The following DAB1 variants were observed in gnomAD, a reference collection of about 807,000 sequenced individuals.
DAB1 encodes DAB adaptor protein 1.
Under a neutral mutation model 64.6 loss-of-function variants are expected in DAB1, and 15 were observed. The observed-to-expected ratio is 0.23, with a 90% CI of 0.16 to 0.36. The LOEUF is 0.36. Ranked by LOEUF, DAB1 falls within the 10% of genes least tolerant of loss-of-function variation. The probability of loss-of-function intolerance (pLI) is 1.00; values close to 1 mark genes in which losing one functional copy is unlikely to be tolerated. For synonymous variants in DAB1, 235 were observed against 251.9 expected, an observed-to-expected ratio of 0.93 and a Z score of 0.64; for missense variants, 596 against 706.7, an observed-to-expected ratio of 0.84 and a Z score of 1.78.
intron 1 of DAB1, among the ~76,000 whole-genome samples, chr1:57,858,773 G>A (rs1653872196): frequency 6.7e-6 from 1 of 149,720 alleles, no homozygotes; most frequent in Admixed American, 6.7e-5. Flanking sequence ...GTGAGACAAT[G>A]GCCAAAAGGC....
chr1:57,309,925 G>A (rs922623239), intron 1 of DAB1, among the ~76,000 whole-genome samples: 12 of 152,232 alleles, frequency 7.9e-5, no homozygotes, highest in African/African-American at 2.6e-4. Flanking sequence ...TCACATGGGG[G>A]GATGCAGTTT....
At chr1:57,223,209 A>G (rs554865031) in intron 2 of DAB1, among the ~76,000 whole-genome samples, 17 of 152,374 alleles carry the variant, frequency 1.1e-4, no homozygotes, top group African/African-American at 4.1e-4. Flanking sequence ...GTCATTTGTT[A>G]GAAAACCAGG....
chr1:57,876,154 T>A (rs182837050), intron 1 of DAB1: 1 of 152,304 alleles, frequency 6.6e-6, no homozygotes, highest in East Asian at 1.9e-4. Context: ...TCAAGACCTT[T>A]AGGCTGAATG....
intron 1 of DAB1, among the ~76,000 whole-genome samples, chr1:57,369,414 A>G (rs1430515013): frequency 6.6e-6 from 1 of 152,208 alleles, no homozygotes; most frequent in African/African-American, 2.4e-5. Context: ...CTATAGGCCC[A>G]AGTGTTTTAT....
At chr1:57,413,467 C>T (rs888318473) in intron 1 of DAB1, among the ~76,000 whole-genome samples, 3 of 152,016 alleles carry the variant, frequency 2.0e-5, no homozygotes, top group African/African-American at 4.8e-5. Context: ...CGTGGCCCAG[C>T]GCGGTGGCTC....
chr1:57,127,248 A>T (rs1403037165), intron 4 of DAB1, among the ~76,000 whole-genome samples: 1 of 152,210 alleles, frequency 6.6e-6, no homozygotes, highest in Admixed American at 6.5e-5. Flanking sequence ...AAAAGCAGAG[A>T]CACCCAAGTG....
chr1:57,567,508 C>T (rs1422505811), intron 7 of DAB1, among the ~76,000 whole-genome samples: 1 of 152,134 alleles, frequency 6.6e-6, no homozygotes, highest in East Asian at 1.9e-4. Context: ...CAGATGACAT[C>T]ATTGTATATT....
intron 4 of DAB1, among the ~76,000 whole-genome samples, chr1:58,162,376 A>G (rs1655587294): frequency 6.6e-6 from 1 of 151,712 alleles, no homozygotes; most frequent in African/African-American, 2.4e-5. Context: ...TCTGTTACTC[A>G]TTTCCTCCCC....
At chr1:57,755,199 C>T (rs1648748845) in intron 6 of DAB1, among the ~76,000 whole-genome samples, 1 of 151,912 alleles carries the variant, frequency 6.6e-6, no homozygotes, top group Non-Finnish European at 1.5e-5. Context: ...ATTTTAGGCC[C>T]AGTTTGTCAA....
intron 6 of DAB1, among the ~76,000 whole-genome samples, chr1:57,729,230 T>G (rs931617927): frequency 1.3e-5 from 2 of 152,214 alleles, no homozygotes; most frequent in African/African-American, 4.8e-5. Flanking sequence ...AAATGTTATT[T>G]GGATGCAGAA....
intron 7 of DAB1, among the ~76,000 whole-genome samples, chr1:57,498,299 T>C (rs1469013688): frequency 6.6e-6 from 1 of 152,090 alleles, no homozygotes; most frequent in Non-Finnish European, 1.5e-5. Context: ...TGAGCAGTGG[T>C]CCTCAAGGCT....
At chr1:57,343,065 G>A (rs545285946) in intron 1 of DAB1, among the ~76,000 whole-genome samples, 9 of 152,018 alleles carry the variant, frequency 5.9e-5, no homozygotes, top group African/African-American at 2.2e-4. Flanking sequence ...CTGCTGATTG[G>A]TAGAGTCCAG....
chr1:58,372,374 A>G (rs928134666), intron 3 of DAB1, among the ~76,000 whole-genome samples: 1 of 152,106 alleles, frequency 6.6e-6, no homozygotes, highest in African/African-American at 2.4e-5. Flanking sequence ...TTAGAATGGG[A>G]GCACTTATCC....
chr1:58,497,630 G>A (rs377218949), intron 3 of DAB1, among the ~76,000 whole-genome samples: 11 of 152,016 alleles, frequency 7.2e-5, no homozygotes, highest in African/African-American at 2.4e-4. Flanking sequence ...AGAAGTTACC[G>A]TTTTCTCAGA....
At chr1:58,267,063 T>C (rs548815764) in intron 4 of DAB1, among the ~76,000 whole-genome samples, 2 of 152,058 alleles carry the variant, frequency 1.3e-5, no homozygotes, top group South Asian at 2.1e-4. Context: ...CTACTAAAAA[T>C]ACAAAAATTG....
Position 58,460,363 on chromosome 1 carries a change from A to G in DAB1, n.257+45697T>C, listed in dbSNP as rs56167162. ...TATCTGTATTTCAATAGGATATGAC[A>G]CTCAGTACCCATACAACCTTTCTTC... On this transcript the variant is annotated intron_variant and non_coding_transcript_variant, in intron 3 of 20. Transcript: ENST00000485760. Among the ~76,000 whole-genome samples the G allele has an allele frequency of 1.1e-3, 163 of 152,286 alleles. 1 individual carries two copies. Among genetic ancestry groups the G allele is most frequent in the Admixed American group, 3.2e-3 (49 of 15,298 alleles).
chr1:57,070,241 G>A (rs1651319544), intron 7 of DAB1, among the ~76,000 whole-genome samples: 1 of 152,156 alleles, frequency 6.6e-6, no homozygotes, highest in East Asian at 1.9e-4. Context: ...CACACACAAA[G>A]AACACCTATG....
chr1:58,385,104 C>T, intron 3 of DAB1, among the ~76,000 whole-genome samples: 1 of 152,082 alleles, frequency 6.6e-6, no homozygotes, highest in Admixed American at 6.5e-5. Flanking sequence ...AGCACACAAA[C>T]AACAACAAAA....
intron 2 of DAB1, among the ~76,000 whole-genome samples, chr1:57,175,657 A>T (rs369848986): frequency 2.0e-4 from 30 of 152,326 alleles, no homozygotes; most frequent in East Asian, 1.2e-3. Context: ...TAGGGCTATA[A>T]AATAGCATAA....
Sources: gnomAD v4.1 joint callset for allele counts (sites outside exome capture counted in the v4.1 genomes callset) on GRCh38, gnomAD v4.1.1 for gene constraint, MANE v1.5 for transcripts, NCBI Gene and HGNC (gene_info 2026-07-23, HGNC 2026-07-21) for gene names.